The following KASH5 variants were observed in gnomAD, a reference collection of about 807,000 sequenced individuals.
The protein encoded by KASH5 is KASH domain containing 5.
In KASH5, 72 loss-of-function variants were observed where a neutral mutation model predicts 84.2. The observed-to-expected ratio is 0.85, with a 90% confidence interval of 0.71 to 1.04. The LOEUF is 1.04. KASH5 is among the 50% of genes least tolerant of loss of function. The pLI, the probability that KASH5 is intolerant of heterozygous loss-of-function variation, is 0.00. For synonymous variants in KASH5, 260 were observed against 279.1 expected, an observed-to-expected ratio of 0.93 and a Z score of 0.68; for missense variants, 650 against 701.0, an observed-to-expected ratio of 0.93 and a Z score of 0.82.
rs1380921093 is a variant in KASH5 at position 49,417,365 on chromosome 19, C to T, written c.1548-4C>T. On this transcript the variant is annotated splice_polypyrimidine_tract_variant and splice_region_variant and intron_variant, in intron 19 of 19. Transcript: ENST00000447857. This position sits in a 1 kb window ranked among gnomAD's most constrained non-coding sequence, Gnocchi z 5.2. ...CCCTAAATGCTCTCCCACCTCCCCA[C>T]CAGAGTCACTCGACATCCACTGATC... 1 of 1,552,794 alleles carries T rather than the reference C, an allele frequency of 6.4e-7. No homozygotes were observed. Among genetic ancestry groups the T allele is most frequent in the Non-Finnish European group, 8.7e-7 (1 of 1,147,252 alleles).
At position 49,399,773 on chromosome 19, in the gene KASH5, T is replaced by G. The variant is rs1427337446; in HGVS notation, c.798+266T>G. On this transcript the variant is annotated intron_variant, in intron 9 of 19. Transcript: ENST00000447857. This position sits in a 1 kb window ranked among gnomAD's most constrained non-coding sequence, Gnocchi z 4.4. ...AGTGCCTCCCTTCTCTGTGCCTCAG[T>G]TGCCTCACCTATAAAGATGAACAAA... 2.4e-6 allele frequency: 2 copies of G among 836,810 alleles called. No individual in the cohort carries two copies. The highest frequency in any genetic ancestry group is 4.8e-5 in the South Asian group (2 of 41,336). The allele number at this position is 836,810 out of a possible 1,614,324, so 51.8% of individuals were successfully genotyped here.
At position 49,415,950 on chromosome 19, in the gene KASH5, T is replaced by C. The variant is rs557866326; in HGVS notation, c.1374+954T>C. Among the ~76,000 whole-genome samples, 126 of 152,206 alleles carry C rather than the reference T, an allele frequency of 8.3e-4. 1 individual carries two copies. Among genetic ancestry groups the C allele is most frequent in the Middle Eastern group, 3.4e-3 (1 of 294 alleles). The stretch of plus-strand genomic sequence containing the variant: ...TGGGGGTAGGAAAGCCAAAGACCCA[T>C]AGAGGGGAGGCCCTTCCGGGGAGAC... On this transcript the variant is annotated intron_variant, in intron 17 of 19. Transcript: ENST00000447857.
chr19:49,399,482 C>T lies in KASH5; in HGVS notation c.773C>T (p.Ala258Val). Reference protein sequence around the residue: ...QAEKEQQHLVAEMETLQEENG... With the variant: ...QAEKEQQHLVVEMETLQEENG... ...GAAAAGGAGCAGCAGCATCTGGTGG[C>T]TGAGATGGAGACTCTGCAGGAGGAG... Residue 258 changes from alanine (A) to valine (V), a missense_variant, in exon 9 of 20, where the codon GCT becomes GTT. Coordinates refer to ENST00000447857, the MANE Select transcript of KASH5 (RefSeq NM_144688.5). This position sits in a 1 kb window ranked among gnomAD's most constrained non-coding sequence, Gnocchi z 4.4. The T allele has an allele frequency of 6.2e-7, 1 of 1,611,350 alleles. No individual in the cohort carries two copies. Among genetic ancestry groups the T allele is most frequent in the Non-Finnish European group, 8.5e-7 (1 of 1,178,962 alleles).
At chr19:49,392,001 C>A (rs1164873348) in intron 2 of KASH5, among the ~76,000 whole-genome samples, 1 of 152,114 alleles carries the variant, frequency 6.6e-6, no homozygotes, top group Non-Finnish European at 1.5e-5. Flanking sequence ...GAGGTAGACA[C>A]CAGGGTGTGG....
chr19:49,413,281 AG>A lies in KASH5; in HGVS notation c.1328+262del, dbSNP rs893842698. Among the ~76,000 whole-genome samples, 261 of 152,048 alleles carry A rather than the reference AG, an allele frequency of 1.7e-3. 5 individuals are homozygous for A. The highest frequency in any genetic ancestry group is 3.2e-3 in the Non-Finnish European group (220 of 67,960). ...GAGGCTGCCATGCCTGAATGGGGTG[AG>A]GGGGGGCCTCTGGAATCAGCGTGGA... On this transcript the variant is annotated intron_variant, in intron 16 of 19. Transcript: ENST00000447857.
Position 49,398,014 on chromosome 19 carries a change from AG to A in KASH5, c.502del (p.Asp168ThrfsTer61), listed in dbSNP as rs1253448725. ...ACAGCTGACCTGCTGAGCAGCCTGG[AG>A]GACCTGGAGCTCAGCAACCGACGTC... ...QATADLLSSL[E>X]DLELSNRRLV... On this transcript the variant is annotated frameshift_variant, in exon 7 of 20. Coordinates refer to ENST00000447857, the MANE Select transcript of KASH5 (RefSeq NM_144688.5). LOFTEE classifies it high-confidence loss of function. The A allele has an allele frequency of 6.2e-7, 1 of 1,613,782 alleles. No homozygotes were observed. Among genetic ancestry groups the A allele is most frequent in the Non-Finnish European group, 8.5e-7 (1 of 1,179,872 alleles).
Position 49,399,498 on chromosome 19 carries a change from G to A in KASH5, c.789G>A (p.Leu263=), listed in dbSNP as rs1974292468. The A allele has an allele frequency of 6.2e-7, 1 of 1,609,890 alleles. No individual in the cohort carries two copies. The highest frequency in any genetic ancestry group is 8.5e-7 in the Non-Finnish European group (1 of 1,178,264). Residue 263 remains leucine, a synonymous_variant, in exon 9 of 20, where the codon CTG becomes CTA. Transcript: ENST00000447857. The surrounding 1 kb of genome is among the most constrained non-coding windows in gnomAD (Gnocchi z 4.4). The part of the protein sequence containing the change: ...QQHLVAEMET[L]QEENGKLLAE... ...ATCTGGTGGCTGAGATGGAGACTCT[G>A]CAGGAGGAGGTGAGCGGAGGCCCAG...
In KASH5 at chr19:49,399,218, A is replaced by G. The variant is rs1974284781; in HGVS notation, c.747+76A>G. 5 of 1,294,734 alleles carry G rather than the reference A, an allele frequency of 3.9e-6. No individual in the cohort carries two copies. Among genetic ancestry groups the G allele is most frequent in the Admixed American group, 2.4e-5 (1 of 41,266 alleles). The allele number at this position is 1,294,734 out of a possible 1,614,324, so 80.2% of individuals were successfully genotyped here. A position where few individuals can be genotyped will look rare whatever the true frequency, so the allele number is the denominator to read the frequency against. On this transcript the variant is annotated intron_variant, in intron 8 of 19. Transcript: ENST00000447857. The surrounding 1 kb of genome is among the most constrained non-coding windows in gnomAD (Gnocchi z 4.4). ...GGAGTCAGGGCGGCAGAGTGTGACT[A>G]TGGAGTAGGAAGGGGCAGAGGTCAC... is the stretch of plus-strand genomic sequence containing the variant.
rs148963182 is a variant in KASH5, at chr19:49,407,910, C to T, written c.993+239C>T. 5.2e-3 allele frequency among the ~76,000 whole-genome samples: 789 copies of T among 152,210 alleles called. 8 individuals are homozygous for T. Among genetic ancestry groups the T allele is most frequent in the African/African-American group, 0.017 (723 of 41,504 alleles). On this transcript the variant is annotated intron_variant, in intron 12 of 19. Transcript: ENST00000447857. ...TCTGTGGGTGTCTTCTCACACACCTCCTCTCCTTATCTTATTTTTTTTTTG... is the reference window on the plus strand; with the variant it reads ...TCTGTGGGTGTCTTCTCACACACCTTCTCTCCTTATCTTATTTTTTTTTTG...
intron 17 of KASH5, chr19:49,415,277 C>T (rs948435748): frequency 4.6e-5 from 24 of 527,316 alleles, no homozygotes; most frequent in African/African-American, 2.5e-4. Context: ...GCCTCATAGA[C>T]GTGGCTACAC....
chr19:49,397,769 C>CGG, intron 6 of KASH5, 52 bp downstream of exon 6: 1 of 1,588,888 alleles, frequency 6.3e-7, no homozygotes, highest in Non-Finnish European at 8.6e-7. Flanking sequence ...CCTGTCCCCT[C>CGG]CAGCCTGCCG....
rs960225963 is a variant in KASH5, at chr19:49,416,330, T to C, written c.1375-685T>C. 6.6e-6 allele frequency among the ~76,000 whole-genome samples: 1 copy of C among 152,090 alleles called. No individual in the cohort carries two copies. The highest frequency in any genetic ancestry group is 2.4e-5 in the African/African-American group (1 of 41,410). On this transcript the variant is annotated intron_variant, in intron 17 of 19. Transcript: ENST00000447857. The surrounding 1 kb of genome is among the most constrained non-coding windows in gnomAD (Gnocchi z 5.4). ...GCCTCAGCCTCCCAAGTAGCTGGGA[T>C]TACAGGCACGTGCTACCATGCCCGG...
chr19:49,394,905 TGGG>T (rs1034712929), intron 3 of KASH5, 198 bp from the exon 4 acceptor site: 1 of 590,568 alleles, frequency 1.7e-6, no homozygotes, highest in Non-Finnish European at 3.0e-6. Flanking sequence ...TACCCTGTGA[TGGG>T]GGGATGACTG....
Position 49,399,027 on chromosome 19 carries a change from C to T in KASH5, c.632C>T (p.Thr211Ile). Residue 211 changes from threonine to isoleucine, a missense_variant and splice_region_variant, in exon 8 of 20, where the codon ACC (threonine) becomes ATC (isoleucine). Thr to Ile is a moderately conservative substitution (Grantham distance 89). Transcript: ENST00000447857. The surrounding 1 kb of genome is among the most constrained non-coding windows in gnomAD (Gnocchi z 4.4). Reference protein sequence around the residue: ...ILALRKQLHSTQQALQFAKAM... With the variant: ...ILALRKQLHSIQQALQFAKAM... ...CATCTGCCCCCACCCGCATTCAGCA[C>T]CCAGCAGGCCCTGCAGTTTGCCAAG... is the stretch of plus-strand genomic sequence containing the variant. The T allele has an allele frequency of 1.3e-6, 2 of 1,551,380 alleles. No individual in the cohort carries two copies. Among genetic ancestry groups the T allele is most frequent in the Non-Finnish European group, 1.7e-6 (2 of 1,146,836 alleles).
At chr19:49,406,433 G>A (rs1974528016) in intron 9 of KASH5, among the ~76,000 whole-genome samples, 1 of 152,176 alleles carries the variant, frequency 6.6e-6, no homozygotes. Flanking sequence ...CTGGAGTGCA[G>A]TGGGGCGATC....
Position 49,414,331 on chromosome 19 carries a change from G to C in KASH5, c.1329-620G>C, listed in dbSNP as rs1974822846. 6.6e-6 allele frequency among the ~76,000 whole-genome samples: 1 copy of C among 152,100 alleles called. No individual in the cohort carries two copies. The highest frequency in any genetic ancestry group is 6.5e-5 in the Admixed American group (1 of 15,276). ...AGGGTCTTGCACCTAAGAGGATTCG[G>C]CATGGGGAAGAGCTCCAACAGTTGA... is the stretch of plus-strand genomic sequence containing the variant. On this transcript the variant is annotated intron_variant, in intron 16 of 19. Transcript: ENST00000447857. The surrounding 1 kb of genome is among the most constrained non-coding windows in gnomAD (Gnocchi z 4.5).
intron 9 of KASH5, among the ~76,000 whole-genome samples, chr19:49,402,236 AG>A (rs1252969119): frequency 6.7e-6 from 1 of 150,032 alleles, no homozygotes; most frequent in Non-Finnish European, 1.5e-5. Flanking sequence ...AGCAAGACTC[AG>A]TCTCAAAAAA....
In KASH5 at chr19:49,417,040, C is replaced by A. The variant is rs756363960; in HGVS notation, c.1400C>A (p.Ala467Asp). Residue 467 changes from alanine to aspartate, a missense_variant, in exon 18 of 20, where the codon GCC (alanine) becomes GAC (aspartate). Physicochemically the swap from Ala to Asp is moderately radical, Grantham distance 126. Coordinates refer to ENST00000447857, the MANE Select transcript of KASH5 (RefSeq NM_144688.5). The surrounding 1 kb of genome is among the most constrained non-coding windows in gnomAD (Gnocchi z 5.2). ...VTADLPVPLG[A>D]PRPGDIPENP... ...GCTGATCTCCCTGTCCCTCTAGGAGCCCCTCGCCCTGGAGACATCCCAGAA... is the reference window on the plus strand; with the variant it reads ...GCTGATCTCCCTGTCCCTCTAGGAGACCCTCGCCCTGGAGACATCCCAGAA... The A allele has an allele frequency of 3.8e-6, 6 of 1,593,764 alleles. No individual in the cohort carries two copies. Among genetic ancestry groups the A allele is most frequent in the Non-Finnish European group, 5.1e-6 (6 of 1,170,706 alleles).
intron 5 of KASH5, among the ~76,000 whole-genome samples, chr19:49,396,276 A>AAGAGTTTGAGAT (rs1974179228): frequency 3.7e-5 from 1 of 27,002 alleles, no homozygotes; most frequent in African/African-American, 1.7e-4. Flanking sequence ...TTTTTGAGAT[A>AAGAGTTTGAGAT]AGAGTTTCAC....
Sources: gnomAD v4.1 joint callset for allele counts (sites outside exome capture counted in the v4.1 genomes callset) on GRCh38, gnomAD v4.1.1 for gene constraint, Gnocchi (gnomAD v3.1) non-coding constraint, MANE v1.5 for transcripts, NCBI Gene and HGNC (gene_info 2026-07-23, HGNC 2026-07-21) for gene names.